The following AFG1L variants were observed in gnomAD, a reference collection of about 807,000 sequenced individuals.
The protein encoded by AFG1L is AFG1 like ATPase.
A neutral mutation model predicts 62.2 loss-of-function variants in AFG1L; 53 were observed. That is an observed-to-expected ratio of 0.85 (90% CI 0.68 to 1.07). AFG1L has a LOEUF of 1.07. AFG1L is among the 50% of genes least tolerant of loss of function. The pLI is 0.00. For missense variants in AFG1L, 555 were observed against 590.5 expected (o/e 0.94, Z 0.62); for synonymous variants, 228 against 210.3 (o/e 1.08, Z -0.73).
intron 2 of AFG1L, 115 bp from the exon 3 acceptor site, chr6:108,346,873 A>T: frequency 1.4e-6 from 1 of 734,866 alleles, no homozygotes; most frequent in Non-Finnish European, 2.3e-6. Flanking sequence ...TTTCTTACTT[A>T]TTGTATATAA....
intron 5 of AFG1L, chr6:108,359,554 C>T (rs1019693542): frequency 6.6e-6 from 1 of 152,208 alleles, no homozygotes; most frequent in South Asian, 2.1e-4. Flanking sequence ...CTTGAAGGCC[C>T]TTATTCCGTA....
chr6:108,488,496 G>T (rs1420621068), intron 10 of AFG1L, among the ~76,000 whole-genome samples: 1 of 152,104 alleles, frequency 6.6e-6, no homozygotes, highest in African/African-American at 2.4e-5. Flanking sequence ...CTAAGCAAAG[G>T]AAATCATGAG....
rs1381030208 is a variant in AFG1L, at chr6:108,308,512, A to G, written c.139+13294A>G. On this transcript the variant is annotated intron_variant, in intron 1 of 12. Coordinates refer to ENST00000368977, the MANE Select transcript of AFG1L (RefSeq NM_145315.5). ...AGAAGCTCCAAATTTTATTTTACTT[A>G]TTTAATTTTAATTTTTTTAGAGATG... is the stretch of plus-strand genomic sequence containing the variant. Among the ~76,000 whole-genome samples, 3 of 151,660 alleles carry G rather than the reference A, an allele frequency of 2.0e-5. No homozygotes were observed. The East Asian group carries it at 5.8e-4, about 29-fold the overall frequency.
At chr6:108,298,912 G>T (rs1446448990) in intron 1 of AFG1L, among the ~76,000 whole-genome samples, 2 of 152,146 alleles carry the variant, frequency 1.3e-5, no homozygotes, top group African/African-American at 4.8e-5. Flanking sequence ...TACTGCTGTG[G>T]TGAAGGAGAG....
chr6:108,498,566 A>G (rs1418577164), intron 10 of AFG1L, among the ~76,000 whole-genome samples: 1 of 152,254 alleles, frequency 6.6e-6, no homozygotes, highest in Non-Finnish European at 1.5e-5. Flanking sequence ...TTTATGTGAT[A>G]CACAGGGTTA....
chr6:108,385,513 C>T (rs1780723158), intron 6 of AFG1L, among the ~76,000 whole-genome samples: 3 of 152,162 alleles, frequency 2.0e-5, no homozygotes, highest in Admixed American at 2.0e-4. Context: ...ATCTATAATC[C>T]ATAGAAAAAA....
chr6:108,444,704 A>T (rs1280412077), intron 7 of AFG1L, among the ~76,000 whole-genome samples: 2 of 152,248 alleles, frequency 1.3e-5, no homozygotes, highest in Non-Finnish European at 2.9e-5. Context: ...TCTTCTAAGC[A>T]GTAGCTCTGA....
chr6:108,520,713 G>A (rs1254836853), intron 12 of AFG1L: 1 of 152,218 alleles, frequency 6.6e-6, no homozygotes, highest in Non-Finnish European at 1.5e-5. Flanking sequence ...TTAAACCTAT[G>A]TGTATGTCTT....
chr6:108,453,065 A>T (rs1464957943), intron 8 of AFG1L, among the ~76,000 whole-genome samples: 1 of 152,198 alleles, frequency 6.6e-6, no homozygotes, highest in Non-Finnish European at 1.5e-5. Context: ...TTTACCGGAC[A>T]TTAGACCTTA....
intron 1 of AFG1L, among the ~76,000 whole-genome samples, chr6:108,311,938 C>T (rs1777428761): frequency 6.6e-6 from 1 of 152,084 alleles, no homozygotes. Flanking sequence ...GATCTCTGCT[C>T]ACTGCAACCT....
At chr6:108,452,915 G>C (rs745338485) in intron 8 of AFG1L, among the ~76,000 whole-genome samples, 5 of 152,130 alleles carry the variant, frequency 3.3e-5, no homozygotes, top group African/African-American at 4.8e-5. Flanking sequence ...TTTGTCTCGA[G>C]GGAGACATTG....
At chr6:108,471,977 G>A (rs1455742490) in intron 8 of AFG1L, among the ~76,000 whole-genome samples, 1 of 152,122 alleles carries the variant, frequency 6.6e-6, no homozygotes, top group Non-Finnish European at 1.5e-5. Flanking sequence ...TGGATAAATT[G>A]TGGTCTATAT....
chr6:108,300,759 G>A (rs1210596142), intron 1 of AFG1L, among the ~76,000 whole-genome samples: 4 of 150,766 alleles, frequency 2.7e-5, no homozygotes, highest in Non-Finnish European at 5.9e-5. Flanking sequence ...TGCAACCTCC[G>A]TCTCACAGGT....
intron 10 of AFG1L, among the ~76,000 whole-genome samples, chr6:108,506,361 C>T (rs1774420849): frequency 6.6e-6 from 1 of 152,172 alleles, no homozygotes; most frequent in South Asian, 2.1e-4. Flanking sequence ...GCGCATACCA[C>T]CACACCTGGC....
chr6:108,405,305 AC>A, intron 7 of AFG1L, among the ~76,000 whole-genome samples: 1 of 152,282 alleles, frequency 6.6e-6, no homozygotes, highest in Admixed American at 6.5e-5. Flanking sequence ...TAATGTTTTA[AC>A]CAAATTTTTT....
chr6:108,351,533 C>T (rs931543613), intron 3 of AFG1L, among the ~76,000 whole-genome samples: 2 of 152,050 alleles, frequency 1.3e-5, no homozygotes, highest in African/African-American at 4.8e-5. Context: ...AATTTTACTT[C>T]TTTAAATTTT....
chr6:108,450,593 C>T (rs1398236684), intron 8 of AFG1L, among the ~76,000 whole-genome samples: 2 of 152,080 alleles, frequency 1.3e-5, no homozygotes, highest in Non-Finnish European at 2.9e-5. Flanking sequence ...TGCAGAAGCG[C>T]TTTAGTTTAA....
At chr6:108,466,358 A>G (rs1772664752) in intron 8 of AFG1L, among the ~76,000 whole-genome samples, 1 of 152,202 alleles carries the variant, frequency 6.6e-6, no homozygotes, top group Non-Finnish European at 1.5e-5. Flanking sequence ...TCATGGTAGC[A>G]CTATTCACAG....
At chr6:108,400,699 ATT>A (rs1491361390) in intron 6 of AFG1L, among the ~76,000 whole-genome samples, 3 of 119,064 alleles carry the variant, frequency 2.5e-5, no homozygotes, top group South Asian at 2.3e-4. Context: ...TTATATATAT[ATT>A]ATTATATATA....
Sources: gnomAD v4.1 joint callset for allele counts (sites outside exome capture counted in the v4.1 genomes callset) on GRCh38, gnomAD v4.1.1 for gene constraint, MANE v1.5 for transcripts, NCBI Gene and HGNC (gene_info 2026-07-23, HGNC 2026-07-21) for gene names.